Variants in CD99L2 observed in about 807,000 individuals in gnomAD.
CD99L2 encodes CD99 molecule like 2, also known as CD99 antigen-like protein 2.
CD99L2 carries 24 observed loss-of-function variants against 27.3 expected under a neutral mutation model. That is an observed-to-expected ratio of 0.88 (90% CI 0.64 to 1.24). CD99L2 has a LOEUF of 1.24. Ranked by LOEUF, CD99L2 falls within the 50% of genes most tolerant of loss-of-function variation. The pLI, the probability that CD99L2 is intolerant of heterozygous loss-of-function variation, is 0.00. For missense variants in CD99L2, 255 were observed against 221.6 expected (o/e 1.15, Z -0.96); for synonymous variants, 97 against 87.9 (o/e 1.10, Z -0.58).
intron 9 of CD99L2, among the ~76,000 whole-genome samples, chrX:150,770,664 G>T (rs1166506022): frequency 2.7e-5 from 3 of 113,163 alleles, no homozygotes; most frequent in African/African-American, 9.6e-5. Context: ...CAAGACGGCA[G>T]CTCCGCCCAG....
intron 1 of CD99L2, among the ~76,000 whole-genome samples, chrX:150,831,700 A>G (rs2046447531): frequency 9.0e-6 from 1 of 111,276 alleles, no homozygotes; most frequent in Non-Finnish European, 1.9e-5. Flanking sequence ...CCCCCATGAT[A>G]CAAGTTTACC....
At chrX:150,824,661 A>AGG (rs2046339342) in intron 2 of CD99L2, among the ~76,000 whole-genome samples, 1 of 90,836 alleles carries the variant, frequency 1.1e-5, no homozygotes, top group East Asian at 3.6e-4. Context: ...GAAGAAGAAG[A>AGG]AGAAGAGGAA....
chrX:150,768,350 T>C lies in CD99L2; in HGVS notation c.*684A>G, dbSNP rs782171676. 1 of 112,554 alleles carries C rather than the reference T, an allele frequency of 8.9e-6. No individual in the cohort carries two copies. Among genetic ancestry groups the C allele is most frequent in the Non-Finnish European group, 1.9e-5 (1 of 53,273 alleles). 9.3% of individuals were successfully genotyped at this position (112,554 alleles called of 1,213,427 possible). ...AATTGCTTCATACTTATCCGGAAGATTCCTAAGCTCTCAAGGCAGGACTAT... is the reference window on the plus strand; with the variant it reads ...AATTGCTTCATACTTATCCGGAAGACTCCTAAGCTCTCAAGGCAGGACTAT... On this transcript the variant is annotated 3_prime_UTR_variant, in exon 11 of 11. Transcript: ENST00000370377.
Position 150,895,155 on chromosome X carries a change from G to A in CD99L2, c.67+3367C>T, listed in dbSNP as rs148060033. Reference sequence around the variant, plus strand: ...ATATGGGTCACAGTGCCAACAGGTCGGGGTAATGTGGCGAGGCAGAGGGCC... The same window carrying A: ...ATATGGGTCACAGTGCCAACAGGTCAGGGTAATGTGGCGAGGCAGAGGGCC... On this transcript the variant is annotated intron_variant, in intron 1 of 10. Coordinates refer to ENST00000370377, the MANE Select transcript of CD99L2 (RefSeq NM_031462.4). 6.0e-3 allele frequency among the ~76,000 whole-genome samples: 663 copies of A among 111,375 alleles called. 2 individuals are homozygous for A. Among genetic ancestry groups the A allele is most frequent in the African/African-American group, 0.02 (621 of 30,613 alleles).
rs370763385 is a variant in CD99L2, at chrX:150,898,054, A to ACCCCCCCC, written c.67+460_67+467dup. 1.3e-4 allele frequency among the ~76,000 whole-genome samples: 4 copies of ACCCCCCCC among 29,926 alleles called. 1 individual carries two copies. The highest frequency in any genetic ancestry group is 1.5e-4 in the Non-Finnish European group (2 of 13,192). The allele number at this position is 29,926 out of a possible 115,157, so 26.0% of individuals were successfully genotyped here. A position where few individuals can be genotyped will look rare whatever the true frequency, so the allele number is the denominator to read the frequency against. ...AGCTGGTTAGACCTACGCCTCGCTG[A>ACCCCCCCC]CCCCCCCCCCCCCCCCCCACAGCCC... On this transcript the variant is annotated intron_variant, in intron 1 of 10. Transcript: ENST00000370377.
chrX:150,802,589 T>G (rs1246644528), intron 4 of CD99L2, among the ~76,000 whole-genome samples: 1 of 100,686 alleles, frequency 9.9e-6, no homozygotes, highest in Non-Finnish European at 2.0e-5. Flanking sequence ...GACAATTTTT[T>G]TTTTTTTTTT....
At chrX:150,890,361 C>T (rs2047491440) in intron 1 of CD99L2, among the ~76,000 whole-genome samples, 1 of 109,742 alleles carries the variant, frequency 9.1e-6, no homozygotes, top group Non-Finnish European at 1.9e-5. Flanking sequence ...CGCCTGTAAT[C>T]CCGGCTCCTC....
In CD99L2 at chrX:150,824,348, G is replaced by A. The variant is rs868986002; in HGVS notation, c.130+6883C>T. ...GAGGAGAAGAAGAAGAAGAAAGAAG[G>A]AAGAAGGAAGAAGGAAGAAGAAGAA... On this transcript the variant is annotated intron_variant, in intron 2 of 10. Transcript: ENST00000370377. Among the ~76,000 whole-genome samples, 165 of 82,426 alleles carry A rather than the reference G, an allele frequency of 2.0e-3. 2 individuals carry two copies. Among genetic ancestry groups the A allele is most frequent in the African/African-American group, 7.3e-3 (154 of 20,988 alleles). 71.6% of individuals were successfully genotyped at this position (82,426 alleles called of 115,157 possible).
At position 150,767,083 on chromosome X, in the gene CD99L2, C is replaced by T. The variant is rs1231457848; in HGVS notation, c.*1951G>A. On this transcript the variant is annotated 3_prime_UTR_variant, in exon 11 of 11. Coordinates refer to ENST00000370377, the MANE Select transcript of CD99L2 (RefSeq NM_031462.4). The stretch of plus-strand genomic sequence containing the variant: ...TCACCATAAAGGTAAAGTGGACAAC[C>T]CCTGAGGTCACGCTGTCCAGGTGGC... 1 of 112,028 alleles carries T rather than the reference C, an allele frequency of 8.9e-6. No homozygotes were observed. The highest frequency in any genetic ancestry group is 2.8e-4 in the East Asian group (1 of 3,563). The allele number at this position is 112,028 out of a possible 1,213,427, so 9.2% of individuals were successfully genotyped here. A position where few individuals can be genotyped will look rare whatever the true frequency, so the allele number is the denominator to read the frequency against.
chrX:150,885,880 TA>T (rs1251867686), intron 1 of CD99L2, among the ~76,000 whole-genome samples: 1 of 112,095 alleles, frequency 8.9e-6, no homozygotes, highest in African/African-American at 3.2e-5. Flanking sequence ...TTAAATGCAT[TA>T]AAAAAGACAA....
At chrX:150,769,867 G>C (rs782669767) in intron 10 of CD99L2, among the ~76,000 whole-genome samples, 1 of 113,303 alleles carries the variant, frequency 8.8e-6, no homozygotes, top group African/African-American at 3.2e-5. Flanking sequence ...ACAGAAGGGG[G>C]AGGGAGGGGC....
intron 4 of CD99L2, among the ~76,000 whole-genome samples, chrX:150,797,124 C>CG (rs2045809172): frequency 9.1e-6 from 1 of 110,157 alleles, no homozygotes; most frequent in Non-Finnish European, 1.9e-5. Context: ...AAAAACAAAA[C>CG]CAAAGCAAGC....
chrX:150,810,932 T>C, intron 4 of CD99L2, among the ~76,000 whole-genome samples: 1 of 112,090 alleles, frequency 8.9e-6, no homozygotes, highest in Middle Eastern at 4.6e-3. Context: ...CCAGGCGTGG[T>C]GGCTCATGCC....
chrX:150,806,957 G>C (rs188017792), intron 4 of CD99L2, among the ~76,000 whole-genome samples: 199 of 111,470 alleles, frequency 1.8e-3, no homozygotes, highest in African/African-American at 5.7e-3. Flanking sequence ...CAACTTTCCA[G>C]AGAACTAAAG....
chrX:150,831,882 G>A (rs1569566032), intron 1 of CD99L2, among the ~76,000 whole-genome samples: 1 of 111,954 alleles, frequency 8.9e-6, no homozygotes, highest in Non-Finnish European at 1.9e-5. Context: ...ACCCAACATT[G>A]AAGCACCTAA....
chrX:150,882,161 G>A (rs1468150710), intron 1 of CD99L2, among the ~76,000 whole-genome samples: 1 of 110,848 alleles, frequency 9.0e-6, no homozygotes, highest in African/African-American at 3.3e-5. Context: ...CATATACTCA[G>A]CACAAGACCT....
intron 1 of CD99L2, among the ~76,000 whole-genome samples, chrX:150,894,103 ATT>A (rs1557422977): frequency 9.0e-6 from 1 of 111,467 alleles, no homozygotes; most frequent in Admixed American, 9.6e-5. Context: ...GTTCCAGAAC[ATT>A]GTCATCATCC....
intron 10 of CD99L2, 141 bp from the exon 11 acceptor site, chrX:150,769,242 G>C (rs1177556944): frequency 3.0e-6 from 2 of 660,521 alleles, no homozygotes; most frequent in East Asian, 4.2e-5. Flanking sequence ...CTTCCCTCCT[G>C]AGCCTGGGAG....
intron 7 of CD99L2, among the ~76,000 whole-genome samples, chrX:150,781,610 G>A (rs1014105625): frequency 8.9e-6 from 1 of 112,171 alleles, no homozygotes; most frequent in Admixed American, 9.4e-5. Flanking sequence ...TCCCTGCACA[G>A]TGTATCACAT....
Sources: gnomAD v4.1 joint callset for allele counts (sites outside exome capture counted in the v4.1 genomes callset) on GRCh38, gnomAD v4.1.1 for gene constraint, MANE v1.5 for transcripts, NCBI Gene and HGNC (gene_info 2026-07-23, HGNC 2026-07-21) for gene names.